Variants in PPP1R1C observed in about 807,000 individuals in gnomAD.
PPP1R1C encodes the protein protein phosphatase 1 regulatory subunit 1C.
PPP1R1C carries 15 observed loss-of-function variants against 17.4 expected under a neutral mutation model. The observed-to-expected ratio is 0.86, with a 90% CI of 0.58 to 1.33. The LOEUF (loss-of-function observed/expected upper bound fraction) is 1.33. PPP1R1C is among the 40% of genes most tolerant of loss of function. The pLI, the probability that PPP1R1C is intolerant of heterozygous loss-of-function variation, is 0.00. For missense variants in PPP1R1C, 143 were observed against 130.0 expected, an observed-to-expected ratio of 1.10 and a Z score of -0.48; for synonymous variants, 35 against 43.1, an observed-to-expected ratio of 0.81 and a Z score of 0.73.
At chr2:182,097,535 A>C (rs1688977825) in intron 4 of PPP1R1C, among the ~76,000 whole-genome samples, 1 of 152,194 alleles carries the variant, frequency 6.6e-6, no homozygotes, top group African/African-American at 2.4e-5. Flanking sequence ...TACTACTGGG[A>C]TGGGGACTAA....
intron 4 of PPP1R1C, among the ~76,000 whole-genome samples, chr2:182,085,142 A>T (rs1332526275): frequency 6.6e-6 from 1 of 151,976 alleles, no homozygotes; most frequent in Non-Finnish European, 1.5e-5. Flanking sequence ...AATTCATATA[A>T]ATCTAGGAGT....
chr2:181,969,598 T>A (rs1056368591), intron 1 of PPP1R1C, among the ~76,000 whole-genome samples: 33 of 152,214 alleles, frequency 2.2e-4, no homozygotes, highest in African/African-American at 8.0e-4. Context: ...TTATTTGAGT[T>A]AAATCTGCTT....
At chr2:181,998,350 G>A (rs1312180763) in intron 2 of PPP1R1C, among the ~76,000 whole-genome samples, 1 of 152,186 alleles carries the variant, frequency 6.6e-6, no homozygotes, top group Non-Finnish European at 1.5e-5. Context: ...ATCGACTATG[G>A]CAGCTTTACT....
At chr2:182,106,008 T>C (rs1252749518) in intron 4 of PPP1R1C, among the ~76,000 whole-genome samples, 1 of 152,176 alleles carries the variant, frequency 6.6e-6, no homozygotes, top group East Asian at 1.9e-4. Context: ...GTGTCATGCC[T>C]CTCTCCTAGT....
rs140613446 is a variant in PPP1R1C, at chr2:182,078,249, T to C, written c.241+14458T>C. Among the ~76,000 whole-genome samples the C allele has an allele frequency of 8.4e-3, 1,275 of 152,332 alleles. 22 individuals carry two copies. The highest frequency in any genetic ancestry group is 0.029 in the African/African-American group (1,196 of 41,582). On this transcript the variant is annotated intron_variant, in intron 4 of 4. Coordinates refer to ENST00000682840, the MANE Select transcript of PPP1R1C (RefSeq NM_001080545.3). ...GGGAATAAGCAACAGAAAGTCTTCTTATTTTTATGATTATTAAATTGTGAG... is the reference window on the plus strand; with the variant it reads ...GGGAATAAGCAACAGAAAGTCTTCTCATTTTTATGATTATTAAATTGTGAG...
At chr2:181,954,868 G>A (rs1255503137) in intron 1 of PPP1R1C, among the ~76,000 whole-genome samples, 2 of 152,056 alleles carry the variant, frequency 1.3e-5, no homozygotes, top group East Asian at 1.9e-4. Flanking sequence ...CCCTAGGCAT[G>A]TCTCCATACA....
Position 181,987,713 on chromosome 2 carries a change from T to C in PPP1R1C, c.82-126T>C, listed in dbSNP as rs1685343378. 4 of 820,226 alleles carry C rather than the reference T, an allele frequency of 4.9e-6. No individual in the cohort carries two copies. In the South Asian group the frequency reaches 6.3e-5, roughly 13 times the overall value. The allele number at this position is 820,226 out of a possible 1,614,324, so 50.8% of individuals were successfully genotyped here. A position where few individuals can be genotyped will look rare whatever the true frequency, so the allele number is the denominator to read the frequency against. The stretch of plus-strand genomic sequence containing the variant: ...ATAAAATTAGTGAGCACCTTCCATG[T>C]GTCCTCCAGAAATTTGCTTTTGCAT... On this transcript the variant is annotated intron_variant, in intron 1 of 4. Transcript: ENST00000682840.
chr2:182,084,226 A>C (rs914316739), intron 4 of PPP1R1C, among the ~76,000 whole-genome samples: 2 of 151,236 alleles, frequency 1.3e-5, no homozygotes, highest in Non-Finnish European at 3.0e-5. Context: ...TTGTCTGTTT[A>C]CTCTGATAAT....
chr2:182,095,311 TA>T (rs1002968644), intron 4 of PPP1R1C, among the ~76,000 whole-genome samples: 10 of 150,480 alleles, frequency 6.6e-5, no homozygotes, highest in East Asian at 3.9e-4. Flanking sequence ...ATAAAAAAAT[TA>T]AAAAAAAAGG....
chr2:181,963,823 T>A (rs910813520), intron 1 of PPP1R1C, among the ~76,000 whole-genome samples: 12 of 151,654 alleles, frequency 7.9e-5, no homozygotes, highest in Non-Finnish European at 1.2e-4. Flanking sequence ...TTAAAAAAAA[T>A]TTCATGAGTA....
chr2:182,130,912 C>G (rs1030583180), downstream of PPP1R1C: 2 of 151,954 alleles, frequency 1.3e-5, no homozygotes, highest in Admixed American at 1.3e-4. Flanking sequence ...CCTGGACTTG[C>G]CTATGATAAC....
chr2:182,052,784 A>G (rs1687565300), intron 2 of PPP1R1C, among the ~76,000 whole-genome samples: 1 of 152,252 alleles, frequency 6.6e-6, no homozygotes. Flanking sequence ...CACAAAACAT[A>G]CAATTTTTAT....
intron 1 of PPP1R1C, among the ~76,000 whole-genome samples, chr2:181,970,072 A>G (rs527917294): frequency 1.3e-5 from 2 of 151,856 alleles, no homozygotes; most frequent in East Asian, 3.9e-4. Context: ...CTGTCTTGAA[A>G]GGTCACATAT....
rs371931918 is a variant in PPP1R1C, at chr2:181,965,150, AT to A, written n.112-10062del. 2.7e-4 allele frequency among the ~76,000 whole-genome samples: 41 copies of A among 152,088 alleles called. 1 individual carries two copies. The South Asian group carries it at 8.5e-3, about 32-fold the overall frequency. On this transcript the variant is annotated intron_variant and non_coding_transcript_variant, in intron 1 of 5. Transcript: ENST00000464264. The stretch of plus-strand genomic sequence containing the variant: ...CTCCATTTTTAAATTGGATTATTAG[AT>A]TTTTTTCCTATAGAGTTGTTTGAGC...
At chr2:182,024,605 G>C (rs1042953587) in intron 2 of PPP1R1C, among the ~76,000 whole-genome samples, 9 of 151,862 alleles carry the variant, frequency 5.9e-5, no homozygotes, top group Admixed American at 5.9e-4. Context: ...GTAAAAACTA[G>C]CAATATCTTG....
chr2:181,990,973 T>A (rs1685458038), intron 2 of PPP1R1C, among the ~76,000 whole-genome samples: 2 of 152,216 alleles, frequency 1.3e-5, no homozygotes, highest in South Asian at 4.1e-4. Context: ...TTCAAAACCC[T>A]GCAAATCTTT....
At chr2:181,981,021 C>T (rs1685184360), upstream of PPP1R1C, among the ~76,000 whole-genome samples, 1 of 150,430 alleles carries the variant, frequency 6.6e-6, no homozygotes, top group East Asian at 2.0e-4. Flanking sequence ...CTCCGCCTCC[C>T]GGGTTCACGC....
At chr2:182,098,341 A>C (rs759499213) in intron 4 of PPP1R1C, among the ~76,000 whole-genome samples, 25 of 152,232 alleles carry the variant, frequency 1.6e-4, no homozygotes, top group Non-Finnish European at 3.2e-4. Flanking sequence ...AATAGAAACA[A>C]AAAATGCTCA....
chr2:181,963,374 C>G (rs1205545738), intron 1 of PPP1R1C, among the ~76,000 whole-genome samples: 1 of 152,220 alleles, frequency 6.6e-6, no homozygotes, highest in African/African-American at 2.4e-5. Flanking sequence ...GGCGCAATGG[C>G]TTACGCCTGT....
Sources: gnomAD v4.1 joint callset for allele counts (sites outside exome capture counted in the v4.1 genomes callset) on GRCh38, gnomAD v4.1.1 for gene constraint, MANE v1.5 for transcripts, NCBI Gene and HGNC (gene_info 2026-07-23, HGNC 2026-07-21) for gene names.